MYO6: variants seen among roughly 807,000 people sequenced by gnomAD.
The protein encoded by MYO6 is myosin VI.
Under a neutral mutation model 178.7 loss-of-function variants are expected in MYO6, and 74 were observed. That is an observed-to-expected ratio of 0.41 (90% CI 0.34 to 0.50). MYO6 has a LOEUF of 0.50. MYO6 is among the 20% of genes least tolerant of loss of function. MYO6 has a pLI of 0.09. For missense variants in MYO6, 1,330 were observed against 1,547.4 expected, an observed-to-expected ratio of 0.86 and a Z score of 2.36; for synonymous variants, 477 against 504.6, an observed-to-expected ratio of 0.95 and a Z score of 0.73.
intron 1 of MYO6, among the ~76,000 whole-genome samples, chr6:75,753,110 G>A (rs1777037717): frequency 6.6e-6 from 1 of 152,058 alleles, no homozygotes; most frequent in Non-Finnish European, 1.5e-5. Context: ...GAGCAAATAA[G>A]CCCATTTTTT....
chr6:75,880,131 A>AT lies in MYO6; in HGVS notation c.2286+17dup. On this transcript the variant is annotated intron_variant, in intron 22 of 34. Transcript: ENST00000369977. ...TTTAGACCTGGCAAGGTAAATATAC[A>AT]TTTTTTACTTTAAACTGTAACATCA... The AT allele has an allele frequency of 1.9e-6, 3 of 1,579,864 alleles. No individual in the cohort carries two copies. The highest frequency in any genetic ancestry group is 2.6e-6 in the Non-Finnish European group (3 of 1,152,386).
Position 75,838,911 on chromosome 6 carries a change from C to T in MYO6, c.554-1674C>T, listed in dbSNP as rs138467855. On this transcript the variant is annotated intron_variant, in intron 7 of 34. Coordinates refer to ENST00000369977, the MANE Select transcript of MYO6 (RefSeq NM_004999.4). The stretch of plus-strand genomic sequence containing the variant: ...TCCTGACCCCATGATCCGCCCACCT[C>T]GGCCTCCCAAAGTGCTGGGATTACA... 0.013 allele frequency among the ~76,000 whole-genome samples: 1,999 copies of T among 152,086 alleles called. 76 individuals are homozygous for T. The East Asian group carries it at 0.15, about 11-fold the overall frequency.
chr6:75,878,485 T>A (rs1777749820), intron 20 of MYO6, among the ~76,000 whole-genome samples: 1 of 152,218 alleles, frequency 6.6e-6, no homozygotes, highest in African/African-American at 2.4e-5. Flanking sequence ...TAAGAATGCA[T>A]CTGTGTGTTT....
At chr6:75,809,408 G>C (rs549865413) in intron 1 of MYO6, among the ~76,000 whole-genome samples, 15 of 152,318 alleles carry the variant, frequency 9.8e-5, no homozygotes, top group African/African-American at 3.1e-4. Flanking sequence ...AGGACTTAGA[G>C]TGTTAATGGA....
intron 10 of MYO6, among the ~76,000 whole-genome samples, chr6:75,845,910 C>G (rs2150269637): frequency 6.6e-6 from 1 of 151,422 alleles, no homozygotes; most frequent in Middle Eastern, 3.4e-3. Context: ...TCGCTTGAAC[C>G]CAGGAGATAG....
intron 1 of MYO6, among the ~76,000 whole-genome samples, chr6:75,768,936 A>G (rs1778679074): frequency 6.6e-6 from 1 of 152,140 alleles, no homozygotes; most frequent in Non-Finnish European, 1.5e-5. Context: ...GGGCCTCAGG[A>G]AGCTTACTGT....
At chr6:75,778,469 C>T (rs1250016771) in intron 1 of MYO6, among the ~76,000 whole-genome samples, 6 of 151,924 alleles carry the variant, frequency 3.9e-5, no homozygotes, top group South Asian at 2.1e-4. Flanking sequence ...TGATGGCGGG[C>T]GCCTGTAGTC....
At chr6:75,771,437 A>C (rs1158778567) in intron 1 of MYO6, among the ~76,000 whole-genome samples, 1 of 152,174 alleles carries the variant, frequency 6.6e-6, no homozygotes, top group Non-Finnish European at 1.5e-5. Flanking sequence ...CTCAAGGTAC[A>C]TTTATCTGTA....
At chr6:75,784,168 T>G (rs113629180) in intron 1 of MYO6, among the ~76,000 whole-genome samples, 3,278 of 151,924 alleles carry the variant, frequency 0.022, 115 homozygotes, top group African/African-American at 0.075. Flanking sequence ...AGACGGGGTT[T>G]CACCGTGTTA....
At chr6:75,907,257 G>C (rs1008253701) in intron 30 of MYO6, among the ~76,000 whole-genome samples, 21 of 152,120 alleles carry the variant, frequency 1.4e-4, no homozygotes, top group African/African-American at 5.1e-4. Context: ...TTTCTTTCTT[G>C]ATTTTGAGGA....
intron 31 of MYO6, 88 bp from the exon 32 acceptor site, chr6:75,908,408 C>A (rs1780506745): frequency 2.3e-6 from 3 of 1,293,178 alleles, no homozygotes; most frequent in East Asian, 2.3e-5. Context: ...ATAAAAAAAT[C>A]TCCTTATGCG....
At chr6:75,758,819 A>G (rs1348758493) in intron 1 of MYO6, among the ~76,000 whole-genome samples, 2 of 151,800 alleles carry the variant, frequency 1.3e-5, no homozygotes, top group Non-Finnish European at 2.9e-5. Flanking sequence ...TAAAATTGTT[A>G]ATTTTTAACG....
In MYO6 at chr6:75,840,620, A is replaced by G. The variant is rs1774127296; in HGVS notation, c.589A>G (p.Thr197Ala). The G allele has an allele frequency of 6.2e-7, 1 of 1,614,044 alleles. No homozygotes were observed. Among genetic ancestry groups the G allele is most frequent in the Non-Finnish European group, 8.5e-7 (1 of 1,179,948 alleles). The change falls in exon 8 of 35, where the codon ACT becomes GCT. Residue 197 changes from threonine (T) to alanine (A), a missense_variant. Thr to Ala is a moderately conservative substitution (Grantham distance 58). Around this residue, in one of 3 missense-constraint regions of MYO6, gnomAD observed 613 missense variants for 816.8 expected, o/e 0.75. Transcript: ENST00000369977. Reference sequence around the variant, plus strand: ...CCTAGAAGCCTTTGGAAATGCGAAGACTGTTCGCAACAATAATAGCAGTCG... The same window carrying G: ...CCTAGAAGCCTTTGGAAATGCGAAGGCTGTTCGCAACAATAATAGCAGTCG... ...PLLEAFGNAK[T>A]VRNNNSSRFG...
At position 75,917,116 on chromosome 6, in the gene MYO6, C is replaced by T. The variant is rs1196696183; in HGVS notation, c.*2104C>T. 1 of 152,584 alleles carries T rather than the reference C, an allele frequency of 6.6e-6. No homozygotes were observed. The highest frequency in any genetic ancestry group is 1.5e-5 in the Non-Finnish European group (1 of 68,056). The allele number at this position is 152,584 out of a possible 1,614,324, so 9.5% of individuals were successfully genotyped here. On this transcript the variant is annotated 3_prime_UTR_variant, in exon 35 of 35. Coordinates refer to ENST00000369977, the MANE Select transcript of MYO6 (RefSeq NM_004999.4). ...TGGAGAAACTTAGGACCCTGTCAGC[C>T]TTTTAAAGGAAACAGCAGGAGTGGT...
At chr6:75,847,950 TA>T (rs967230912) in intron 10 of MYO6, among the ~76,000 whole-genome samples, 1 of 152,174 alleles carries the variant, frequency 6.6e-6, no homozygotes, top group African/African-American at 2.4e-5. Context: ...ATTAAATGAA[TA>T]TATTTATCAT....
intron 20 of MYO6, among the ~76,000 whole-genome samples, chr6:75,876,002 C>T (rs1040468713): frequency 6.6e-6 from 1 of 152,324 alleles, no homozygotes; most frequent in Non-Finnish European, 1.5e-5. Context: ...CCTCCCTTCT[C>T]TCCTTCAGTC....
chr6:75,799,614 T>G (rs972218382), intron 1 of MYO6, among the ~76,000 whole-genome samples: 3 of 152,176 alleles, frequency 2.0e-5, no homozygotes, highest in Non-Finnish European at 4.4e-5. Context: ...TTACTTTCTT[T>G]TTTTCCCTTT....
In MYO6 at chr6:75,828,564, C is replaced by T. The variant is rs1772725400; in HGVS notation, c.212C>T (p.Ala71Val). The T allele has an allele frequency of 1.9e-6, 3 of 1,579,710 alleles. No individual in the cohort carries two copies. Among genetic ancestry groups the T allele is most frequent in the Non-Finnish European group, 2.6e-6 (3 of 1,149,372 alleles). Residue 71 changes from alanine (A) to valine (V), a missense_variant, in exon 4 of 35, where the codon GCC becomes GTC. By Grantham distance (64) the Ala-to-Val change is moderately conservative. Coordinates refer to ENST00000369977, the MANE Select transcript of MYO6 (RefSeq NM_004999.4). ...DNCSLMYLNEATLLHNIKVRY... is the reference protein window; with the variant it reads ...DNCSLMYLNEVTLLHNIKVRY... Reference sequence around the variant, plus strand: ...GGTTCACTAATGTATTTAAATGAAGCCACACTGCTCCATAATATCAAAGTT... The same window carrying T: ...GGTTCACTAATGTATTTAAATGAAGTCACACTGCTCCATAATATCAAAGTT...
intron 28 of MYO6, among the ~76,000 whole-genome samples, chr6:75,894,467 A>G (rs1408507933): frequency 3.9e-5 from 6 of 152,124 alleles, no homozygotes; most frequent in African/African-American, 1.4e-4. Context: ...GCTCTCCAGG[A>G]AGCTTTCCCT....
Sources: gnomAD v4.1 joint callset for allele counts (sites outside exome capture counted in the v4.1 genomes callset) on GRCh38, gnomAD v4.1.1 for gene constraint, gnomAD v4.1.1 regional missense constraint, MANE v1.5 for transcripts, NCBI Gene and HGNC (gene_info 2026-07-23, HGNC 2026-07-21) for gene names.